Variants in ABLIM3 observed in about 807,000 individuals in gnomAD.
ABLIM3 encodes actin-binding LIM protein 3.
In ABLIM3, 61 loss-of-function variants were observed where a neutral mutation model predicts 109.5. The observed-to-expected ratio is 0.56, with a 90% CI of 0.45 to 0.69. The LOEUF (loss-of-function observed/expected upper bound fraction) is 0.69, where lower values mean the gene tolerates loss of function less well. Ranked by LOEUF, ABLIM3 falls within the 30% of genes least tolerant of loss-of-function variation. ABLIM3 has a pLI of 0.00. For missense variants in ABLIM3, 796 were observed against 889.5 expected (o/e 0.89, Z 1.34); for synonymous variants, 300 against 324.8 (o/e 0.92, Z 0.82).
chr5:149,150,986 A>G (rs1185581698), intron 2 of ABLIM3, among the ~76,000 whole-genome samples: 1 of 152,266 alleles, frequency 6.6e-6, no homozygotes, highest in East Asian at 1.9e-4. Context: ...AGTGCATGGC[A>G]CATAACAAAG....
intron 18 of ABLIM3, among the ~76,000 whole-genome samples, chr5:149,248,408 T>C (rs1485613355): frequency 6.6e-6 from 1 of 152,100 alleles, no homozygotes; most frequent in East Asian, 1.9e-4. Context: ...GAAAAATGGC[T>C]TGGCTGGGCG....
intron 2 of ABLIM3, among the ~76,000 whole-genome samples, chr5:149,155,810 C>T (rs573644157): frequency 2.0e-5 from 3 of 152,258 alleles, no homozygotes; most frequent in South Asian, 2.1e-4. Context: ...ACTGAGAAAA[C>T]GCTGGGAGTT....
intron 2 of ABLIM3, among the ~76,000 whole-genome samples, chr5:149,168,055 G>A (rs895961222): frequency 6.6e-6 from 1 of 152,142 alleles, no homozygotes; most frequent in African/African-American, 2.4e-5. Flanking sequence ...TATAGCACAC[G>A]CACACATACA....
intron 16 of ABLIM3, 39 bp downstream of exon 16, chr5:149,245,054 A>G (rs779254382): frequency 2.5e-6 from 4 of 1,613,416 alleles, no homozygotes. Flanking sequence ...GGGCCCTAAC[A>G]CCTGTGCCAA....
chr5:149,192,597 C>G (rs1351085179), intron 3 of ABLIM3, among the ~76,000 whole-genome samples: 1 of 148,108 alleles, frequency 6.8e-6, no homozygotes, highest in Non-Finnish European at 1.5e-5. Flanking sequence ...TGCACTCCAG[C>G]CTGGGTGACA....
intron 2 of ABLIM3, among the ~76,000 whole-genome samples, chr5:149,172,953 T>C (rs980174457): frequency 6.6e-6 from 1 of 152,028 alleles, no homozygotes; most frequent in African/African-American, 2.4e-5. Context: ...AAAAACTGAA[T>C]GACAGACAAG....
intron 5 of ABLIM3, 185 bp downstream of exon 5, chr5:149,200,613 C>A: frequency 1.6e-6 from 1 of 617,268 alleles, no homozygotes; most frequent in Non-Finnish European, 2.9e-6. Flanking sequence ...AAGCACAATG[C>A]AGGGAAGAGG....
intron 2 of ABLIM3, among the ~76,000 whole-genome samples, chr5:149,179,639 G>C (rs1030235459): frequency 6.6e-6 from 1 of 151,632 alleles, no homozygotes; most frequent in Admixed American, 6.6e-5. Flanking sequence ...ATTCAACCAA[G>C]TTTCATTTCT....
chr5:149,198,386 G>A lies in ABLIM3; in HGVS notation c.319G>A (p.Val107Met), dbSNP rs750466880. 2.0e-5 allele frequency: 32 copies of A among 1,611,508 alleles called. No homozygotes were observed. Among genetic ancestry groups the A allele is most frequent in the Middle Eastern group, 3.3e-4 (2 of 6,050 alleles). The stretch of plus-strand genomic sequence containing the variant: ...CCGCACTTACCACCCCAAGTGCTTC[G>A]TGTGCAGCTTGTGCAGGTGAGTGGG... ...LGRTYHPKCF[V>M]CSLCRKPFPI... The change falls in exon 4 of 24, where the codon GTG (valine) becomes ATG (methionine). Residue 107 changes from valine (V) to methionine (M), a missense_variant. Transcript: ENST00000309868. This position sits in a 1 kb window ranked among gnomAD's most constrained non-coding sequence, Gnocchi z 4.2.
chr5:149,196,212 C>G (rs1381148621), intron 3 of ABLIM3, among the ~76,000 whole-genome samples: 2 of 152,196 alleles, frequency 1.3e-5, no homozygotes, highest in African/African-American at 4.8e-5. Flanking sequence ...CCTTAAGCCT[C>G]CAGTCCCCAA....
intron 10 of ABLIM3, among the ~76,000 whole-genome samples, chr5:149,236,547 G>A (rs1447070257): frequency 1.3e-5 from 2 of 152,126 alleles, no homozygotes; most frequent in Non-Finnish European, 2.9e-5. Flanking sequence ...CAGGGGCCAT[G>A]AGATGCGGGC....
chr5:149,255,947 C>T (rs1754386320), intron 23 of ABLIM3, among the ~76,000 whole-genome samples: 1 of 152,190 alleles, frequency 6.6e-6, no homozygotes, highest in South Asian at 2.1e-4. Context: ...CACTAGGATG[C>T]TCCCATTTTC....
At chr5:149,149,114 G>A (rs1270595908) in intron 2 of ABLIM3, among the ~76,000 whole-genome samples, 1 of 152,188 alleles carries the variant, frequency 6.6e-6, no homozygotes, top group Non-Finnish European at 1.5e-5. Flanking sequence ...AGATGTCATG[G>A]GATAAGTAGA....
intron 5 of ABLIM3, among the ~76,000 whole-genome samples, chr5:149,202,079 A>G (rs1758548724): frequency 6.6e-6 from 1 of 152,234 alleles, no homozygotes; most frequent in South Asian, 2.1e-4. Context: ...TATAGAAAGC[A>G]CACCAAAAGA....
At chr5:149,228,288 G>A (rs1312579952) in intron 8 of ABLIM3, among the ~76,000 whole-genome samples, 1 of 152,120 alleles carries the variant, frequency 6.6e-6, no homozygotes, top group East Asian at 1.9e-4. Context: ...TGTAAAATCA[G>A]CTTTCACCAT....
chr5:149,254,044 C>T (rs1212578216), intron 23 of ABLIM3, among the ~76,000 whole-genome samples: 1 of 152,146 alleles, frequency 6.6e-6, no homozygotes, highest in Admixed American at 6.5e-5. Context: ...CATCAGATCT[C>T]ATGAGACTTA....
chr5:149,168,968 C>T (rs972654278), intron 2 of ABLIM3, among the ~76,000 whole-genome samples: 14 of 150,290 alleles, frequency 9.3e-5, no homozygotes, highest in Non-Finnish European at 1.3e-4. Context: ...TTAACAATCC[C>T]GCTCCCCACC....
rs189943958 is a variant in ABLIM3, at chr5:149,257,034, G to A, written c.1939-1257G>A. 7.0e-4 allele frequency among the ~76,000 whole-genome samples: 107 copies of A among 152,348 alleles called. No homozygotes were observed. In the East Asian group the frequency reaches 7.5e-3, roughly 11 times the overall value. ...ATGTTAGTTCACATGGCCATGCGCC[G>A]TGGCTTACGCCTGTAATCCCAGCAC... On this transcript the variant is annotated intron_variant, in intron 23 of 23. Coordinates refer to ENST00000309868, the MANE Select transcript of ABLIM3 (RefSeq NM_014945.5).
intron 1 of ABLIM3, 163 bp from the exon 2 acceptor site, chr5:149,141,846 G>T (rs538631910): frequency 6.2e-5 from 35 of 566,902 alleles, no homozygotes; most frequent in African/African-American, 4.9e-4. Flanking sequence ...GAGGACCGGG[G>T]CGCCGGTGTC....
Sources: allele counts gnomAD v4.1 joint callset (sites outside exome capture counted in the v4.1 genomes callset), GRCh38; gene constraint gnomAD v4.1.1; non-coding constraint Gnocchi (gnomAD v3.1); transcripts MANE v1.5; gene names NCBI Gene and HGNC (gene_info 2026-07-23, HGNC 2026-07-21).